VAMP7: variants seen among roughly 807,000 people sequenced by gnomAD.
The protein encoded by VAMP7 is vesicle-associated membrane protein 7.
Under a neutral mutation model 29.6 loss-of-function variants are expected in VAMP7, and 14 were observed. The observed-to-expected ratio is 0.47, with a 90% CI of 0.31 to 0.74. The LOEUF (loss-of-function observed/expected upper bound fraction) is 0.74, where lower values mean the gene tolerates loss of function less well. Among genes scored for constraint, VAMP7 ranks in the 30% least tolerant of loss-of-function variants. The pLI is 0.05. For missense variants in VAMP7, 223 were observed against 262.4 expected (o/e 0.85, Z 1.04); for synonymous variants, 95 against 88.1 (o/e 1.08, Z -0.44).
At chrX:155,924,352 C>T (rs2066439341) in intron 6 of VAMP7, among the ~76,000 whole-genome samples, 1 of 152,156 alleles carries the variant, frequency 6.6e-6, no homozygotes, top group African/African-American at 2.4e-5. Flanking sequence ...ATGTTAATTA[C>T]ATCCACAATG....
chrX:155,881,814 TG>T (rs1188069847), intron 1 of VAMP7, among the ~76,000 whole-genome samples: 1 of 152,186 alleles, frequency 6.6e-6, no homozygotes, highest in Non-Finnish European at 1.5e-5. Flanking sequence ...CGTCACTTTC[TG>T]CTTCACCTTC....
intron 2 of VAMP7, among the ~76,000 whole-genome samples, chrX:155,893,835 A>G (rs1444691962): frequency 6.6e-6 from 1 of 152,248 alleles, no homozygotes; most frequent in Non-Finnish European, 1.5e-5. Flanking sequence ...AGCACCAGGC[A>G]AGCCTGATGT....
chrX:155,933,040 C>T (rs2066588133), intron 6 of VAMP7, among the ~76,000 whole-genome samples: 1 of 152,040 alleles, frequency 6.6e-6, no homozygotes, highest in Non-Finnish European at 1.5e-5. Context: ...GCCTTGCATC[C>T]CAGGGATGAA....
intron 6 of VAMP7, among the ~76,000 whole-genome samples, chrX:155,924,408 C>T (rs1201668973): frequency 6.6e-6 from 1 of 151,930 alleles, no homozygotes; most frequent in Non-Finnish European, 1.5e-5. Flanking sequence ...TTTTTATCAC[C>T]CCTTAACAAA....
intron 1 of VAMP7, among the ~76,000 whole-genome samples, 198 bp from the exon 2 acceptor site, chrX:155,889,260 A>G (rs1208094709): frequency 6.6e-6 from 1 of 152,130 alleles, no homozygotes; most frequent in Non-Finnish European, 1.5e-5. Context: ...AATGCATACA[A>G]GCATGGCTTA....
intron 6 of VAMP7, among the ~76,000 whole-genome samples, chrX:155,931,281 G>A (rs761069859): frequency 1.1e-4 from 16 of 152,232 alleles, no homozygotes; most frequent in Admixed American, 7.8e-4. Flanking sequence ...CTGAGGAATC[G>A]CCACACTGTC....
intron 6 of VAMP7, among the ~76,000 whole-genome samples, chrX:155,923,110 A>G (rs1429044962): frequency 6.6e-6 from 1 of 151,864 alleles, no homozygotes; most frequent in Non-Finnish European, 1.5e-5. Flanking sequence ...CTTGGCCTTT[A>G]TGCTATTGTT....
intron 6 of VAMP7, among the ~76,000 whole-genome samples, chrX:155,936,881 A>G (rs1200833464): frequency 6.6e-6 from 1 of 152,236 alleles, no homozygotes; most frequent in African/African-American, 2.4e-5. Flanking sequence ...CAAAAAGAGT[A>G]CAATAGTTAG....
intron 2 of VAMP7, among the ~76,000 whole-genome samples, chrX:155,892,219 G>A (rs1325372664): frequency 1.3e-5 from 2 of 151,978 alleles, no homozygotes; most frequent in Admixed American, 6.6e-5. Context: ...TCATGCTTTT[G>A]TTATCTTCTA....
At chrX:155,892,553 G>A (rs2065937502) in intron 2 of VAMP7, among the ~76,000 whole-genome samples, 1 of 151,956 alleles carries the variant, frequency 6.6e-6, no homozygotes, top group African/African-American at 2.4e-5. Context: ...TGCAATAGCT[G>A]TTACCTTTTA....
intron 2 of VAMP7, among the ~76,000 whole-genome samples, chrX:155,890,461 G>C (rs1456319364): frequency 6.6e-6 from 1 of 152,098 alleles, no homozygotes; most frequent in Non-Finnish European, 1.5e-5. Flanking sequence ...CCCAGGTTCA[G>C]ATGATTCTCG....
In VAMP7 at chrX:155,942,520, G is replaced by A. The variant is rs760627627; in HGVS notation, c.*569G>A. 20 of 224,542 alleles carry A rather than the reference G, an allele frequency of 8.9e-5. No homozygotes were observed. Among genetic ancestry groups the A allele is most frequent in the Non-Finnish European group, 1.2e-4 (14 of 113,264 alleles). The allele number at this position is 224,542 out of a possible 1,614,324, so 13.9% of individuals were successfully genotyped here. A position where few individuals can be genotyped will look rare whatever the true frequency, so the allele number is the denominator to read the frequency against. ...ATTTCAGTTAGATGGGGAACATTTTGCTAGCCCATTAGAAGCACACAGAAT... is the reference window on the plus strand; with the variant it reads ...ATTTCAGTTAGATGGGGAACATTTTACTAGCCCATTAGAAGCACACAGAAT... On this transcript the variant is annotated 3_prime_UTR_variant, in exon 8 of 8. Transcript: ENST00000286448.
chrX:155,884,318 G>T (rs2065840956), intron 1 of VAMP7, among the ~76,000 whole-genome samples: 1 of 150,978 alleles, frequency 6.6e-6, no homozygotes, highest in Non-Finnish European at 1.5e-5. Flanking sequence ...GTAGAAACGG[G>T]GTTTCTCCAT....
intron 6 of VAMP7, among the ~76,000 whole-genome samples, chrX:155,931,656 G>A (rs1211415254): frequency 6.6e-6 from 1 of 152,140 alleles, no homozygotes; most frequent in Non-Finnish European, 1.5e-5. Context: ...CTCCCACTCT[G>A]TAGGTTGCCT....
chrX:155,896,216 A>G (rs899920731), intron 3 of VAMP7, among the ~76,000 whole-genome samples: 2 of 152,144 alleles, frequency 1.3e-5, no homozygotes, highest in Non-Finnish European at 2.9e-5. Flanking sequence ...AATCAACTCA[A>G]TTTTGGTAGA....
At chrX:155,917,150 G>A (rs1002883539) in intron 5 of VAMP7, among the ~76,000 whole-genome samples, 1 of 151,924 alleles carries the variant, frequency 6.6e-6, no homozygotes, top group African/African-American at 2.4e-5. Context: ...GATCAGTTCG[G>A]CTATTGATAC....
chrX:155,883,156 A>G (rs1174794872), intron 1 of VAMP7, among the ~76,000 whole-genome samples: 7 of 152,300 alleles, frequency 4.6e-5, no homozygotes, highest in Middle Eastern at 3.4e-3. Flanking sequence ...GTAACCCACC[A>G]GTATATACGT....
intron 2 of VAMP7, 104 bp from the exon 3 acceptor site, chrX:155,895,519 T>C (rs1457243469): frequency 2.7e-6 from 2 of 745,252 alleles, no homozygotes; most frequent in South Asian, 1.7e-5. Flanking sequence ...GTAAGTAATA[T>C]GGTGACATTG....
At chrX:155,920,462 C>T (rs1472465684) in intron 6 of VAMP7, among the ~76,000 whole-genome samples, 3 of 152,084 alleles carry the variant, frequency 2.0e-5, no homozygotes, top group Non-Finnish European at 2.9e-5. Context: ...ATATGGTGAA[C>T]AGAAGGAGGG....
Sources: allele counts gnomAD v4.1 joint callset (sites outside exome capture counted in the v4.1 genomes callset), GRCh38; gene constraint gnomAD v4.1.1; transcripts MANE v1.5; gene names NCBI Gene and HGNC (gene_info 2026-07-23, HGNC 2026-07-21).